Variants in SLC71A2 observed in about 807,000 individuals in gnomAD.
SLC71A2 encodes solute carrier family 71 member 2, also known as hippocampus abundant transcript-like 1.
chr9:94,379,433 G>T, the SLC71A2 span, among the ~76,000 whole-genome samples: 2 of 138,288 alleles, frequency 1.4e-5, no homozygotes, highest in Non-Finnish European at 3.1e-5. Context: ...TGTCATCCAG[G>T]CTGGAGTGCG....
chr9:94,413,006 T>TA, the SLC71A2 span, among the ~76,000 whole-genome samples: 2 of 152,094 alleles, frequency 1.3e-5, no homozygotes, highest in African/African-American at 2.4e-5. Flanking sequence ...GACATATTTT[T>TA]AAAAAATAAA....
At chr9:94,407,838 C>T in the SLC71A2 span, among the ~76,000 whole-genome samples, 1 of 152,100 alleles carries the variant, frequency 6.6e-6, no homozygotes, top group Non-Finnish European at 1.5e-5. Context: ...AATAAAAATT[C>T]ATAAGTTTTA....
chr9:94,452,149 C>CCAGAGA, the SLC71A2 span, among the ~76,000 whole-genome samples: 1 of 152,196 alleles, frequency 6.6e-6, no homozygotes, highest in African/African-American at 2.4e-5. Flanking sequence ...TAATTATAAT[C>CCAGAGA]TATCTCTGGA....
chr9:94,379,143 A>G, the SLC71A2 span, among the ~76,000 whole-genome samples: 5 of 146,448 alleles, frequency 3.4e-5, no homozygotes, highest in African/African-American at 5.1e-5. Flanking sequence ...CTGGAGTGCA[A>G]TGGTGTGATC....
the SLC71A2 span, among the ~76,000 whole-genome samples, chr9:94,426,676 TTTATAG>T: frequency 6.6e-5 from 10 of 152,238 alleles, no homozygotes; most frequent in East Asian, 9.6e-4. Flanking sequence ...TTCTTAAAAC[TTTATAG>T]TTATTGTTTT....
chr9:94,459,499 GGAGACGCTAGCGGCA>G, the SLC71A2 span: 1 of 1,449,386 alleles, frequency 6.9e-7, no homozygotes, highest in East Asian at 2.3e-5. Context: ...GTGCTGGATG[GGAGACGCTAGCGGCA>G]TCCTTCAGGG....
At chr9:94,385,781 G>A in the SLC71A2 span, among the ~76,000 whole-genome samples, 1 of 151,746 alleles carries the variant, frequency 6.6e-6, no homozygotes, top group African/African-American at 2.4e-5. Flanking sequence ...GGAAGTGTGT[G>A]TTTTCCAATT....
the SLC71A2 span, among the ~76,000 whole-genome samples, chr9:94,430,643 C>G: frequency 2.0e-5 from 3 of 152,146 alleles, no homozygotes; most frequent in Admixed American, 2.0e-4. Context: ...TGTTCTCGAA[C>G]AGTTACCGGC....
At chr9:94,446,379 GTTGAACATGAACACT>G in the SLC71A2 span, among the ~76,000 whole-genome samples, 1 of 152,198 alleles carries the variant, frequency 6.6e-6, no homozygotes, top group African/African-American at 2.4e-5. Context: ...AGATATAAAA[GTTGAACATGAACACT>G]TTGAAGAATA....
chr9:94,430,613 TC>T, the SLC71A2 span, among the ~76,000 whole-genome samples: 118 of 152,324 alleles, frequency 7.7e-4, no homozygotes, highest in African/African-American at 2.6e-3. Context: ...ACGCAGCACT[TC>T]TACCTGTGAT....
chr9:94,454,598 T>C, the SLC71A2 span, among the ~76,000 whole-genome samples: 1 of 150,882 alleles, frequency 6.6e-6, no homozygotes, highest in East Asian at 1.9e-4. Flanking sequence ...ACTCCTGACC[T>C]TGTGATCTGC....
chr9:94,412,222 T>C, the SLC71A2 span, among the ~76,000 whole-genome samples: 1 of 152,254 alleles, frequency 6.6e-6, no homozygotes, highest in Non-Finnish European at 1.5e-5. Context: ...CTGGTTCATA[T>C]TTCTTGCCAA....
At chr9:94,419,065 A>G in the SLC71A2 span, among the ~76,000 whole-genome samples, 1 of 151,654 alleles carries the variant, frequency 6.6e-6, no homozygotes, top group Non-Finnish European at 1.5e-5. Flanking sequence ...GCATATTGCA[A>G]TCATTTTTTG....
the SLC71A2 span, among the ~76,000 whole-genome samples, chr9:94,452,645 A>T: frequency 1.6e-4 from 15 of 90,946 alleles, no homozygotes; most frequent in African/African-American, 3.4e-4. Context: ...TCATATATAT[A>T]TTCATATATA....
At chr9:94,459,572 GTTT>G in the SLC71A2 span, 23 of 480,420 alleles carry the variant, frequency 4.8e-5, no homozygotes, top group South Asian at 1.6e-4. Flanking sequence ...TCCTCCTCCT[GTTT>G]TTTTTTTTTC....
the SLC71A2 span, chr9:94,458,564 CTATAT>C: frequency 8.5e-7 from 1 of 1,178,484 alleles, no homozygotes; most frequent in South Asian, 1.3e-5. Context: ...TTGTATGTTA[CTATAT>C]TTTATTTGGC....
the SLC71A2 span, among the ~76,000 whole-genome samples, chr9:94,440,016 G>T: frequency 2.6e-5 from 4 of 152,074 alleles, no homozygotes; most frequent in Admixed American, 6.6e-5. Flanking sequence ...GTATTGTAAT[G>T]TTTCATCATT....
the SLC71A2 span, among the ~76,000 whole-genome samples, chr9:94,455,343 A>G: frequency 2.0e-5 from 2 of 98,710 alleles, no homozygotes; most frequent in South Asian, 3.2e-4. Flanking sequence ...TAATATTTTG[A>G]TTTTTTTTTT....
the SLC71A2 span, among the ~76,000 whole-genome samples, chr9:94,402,432 A>G: frequency 6.6e-6 from 1 of 152,180 alleles, no homozygotes; most frequent in Non-Finnish European, 1.5e-5. Flanking sequence ...GGTGATGTAG[A>G]ACTACCACTA....
Sources: gnomAD v4.1 joint callset for allele counts (sites outside exome capture counted in the v4.1 genomes callset) on GRCh38, gnomAD v4.1.1 for gene constraint, MANE v1.5 for transcripts, NCBI Gene and HGNC (gene_info 2026-07-23, HGNC 2026-07-21) for gene names.